The following ZC4H2 variants were observed in gnomAD, a reference collection of about 807,000 sequenced individuals.
The protein encoded by ZC4H2 is zinc finger C4H2-type containing.
For synonymous variants in ZC4H2, 84 were observed against 66.3 expected (o/e 1.27, Z -1.30); for missense variants, 137 against 173.9 (o/e 0.79, Z 1.19).
rs763449706 is a variant in ZC4H2 at position 64,920,113 on chromosome X, G to T, written c.366C>A (p.Asp122Glu). The T allele has an allele frequency of 8.3e-7, 1 of 1,209,582 alleles. No individual in the cohort carries two copies. Among genetic ancestry groups the T allele is most frequent in the Non-Finnish European group, 1.1e-6 (1 of 895,132 alleles). ...AAAGCTTCTCCTCTTCTTCACACAA[G>T]TCAGGGAGCCTCTGCAGGCCCAGAG... ...RMTLGLQRLP[D>E]LCEEEEKLSL... Residue 122 changes from aspartate to glutamate, a missense_variant, in exon 3 of 5, where the codon GAC (aspartate) becomes GAA (glutamate). Transcript: ENST00000374839.
intron 1 of ZC4H2, among the ~76,000 whole-genome samples, chrX:65,025,847 A>G (rs749237073): frequency 4.5e-5 from 5 of 112,341 alleles, no homozygotes; most frequent in African/African-American, 1.3e-4. Context: ...CTATGGGAAA[A>G]TGTGATTAAA....
chrX:64,944,791 T>C (rs1255890839), intron 1 of ZC4H2, among the ~76,000 whole-genome samples: 2 of 112,121 alleles, frequency 1.8e-5, no homozygotes, highest in Admixed American at 1.9e-4. Flanking sequence ...TCATTTTTTT[T>C]CTCTAATCTT....
Position 64,917,160 on chromosome X carries a change from G to A in ZC4H2, c.*623C>T, listed in dbSNP as rs1231341067. The A allele has an allele frequency of 8.9e-6, 1 of 112,155 alleles. No individual in the cohort carries two copies. The highest frequency in any genetic ancestry group is 3.3e-5 in the African/African-American group (1 of 30,754). 9.2% of individuals were successfully genotyped at this position (112,155 alleles called of 1,213,427 possible). On this transcript the variant is annotated 3_prime_UTR_variant, in exon 5 of 5. Transcript: ENST00000374839. ...TTAAGATCCCAAGACACACAGCCTA[G>A]TACCTAAGAATTTTAGTATATGTGG... is the stretch of plus-strand genomic sequence containing the variant.
chrX:64,945,551 A>G (rs1930489944), intron 1 of ZC4H2, among the ~76,000 whole-genome samples: 2 of 111,828 alleles, frequency 1.8e-5, no homozygotes, highest in South Asian at 7.5e-4. Context: ...GTCAGGAGGC[A>G]TAGGCGTCAG....
At chrX:65,018,383 G>T (rs909348692) in intron 1 of ZC4H2, among the ~76,000 whole-genome samples, 2 of 112,313 alleles carry the variant, frequency 1.8e-5, no homozygotes, top group African/African-American at 3.2e-5. Flanking sequence ...TGGAGGGCAG[G>T]ACGAAGCAGA....
At chrX:65,019,120 A>T (rs999248517) in intron 1 of ZC4H2, among the ~76,000 whole-genome samples, 1 of 111,750 alleles carries the variant, frequency 8.9e-6, no homozygotes, top group African/African-American at 3.3e-5. Context: ...CAGCAGACTT[A>T]AATGCCCCTG....
intron 4 of ZC4H2, 58 bp downstream of exon 4, chrX:64,918,984 C>A (rs188258732): frequency 3.6e-6 from 4 of 1,116,412 alleles, no homozygotes; most frequent in African/African-American, 1.9e-5. Flanking sequence ...TAGCCTTCCA[C>A]GGCCCTTCCA....
chrX:65,027,095 A>G (rs1276757691), intron 1 of ZC4H2, among the ~76,000 whole-genome samples: 1 of 112,247 alleles, frequency 8.9e-6, no homozygotes, highest in Non-Finnish European at 1.9e-5. Context: ...CTTCTACAGT[A>G]ACATTAGGAT....
intron 1 of ZC4H2, among the ~76,000 whole-genome samples, chrX:64,934,068 G>C (rs1335390525): frequency 8.9e-6 from 1 of 111,764 alleles, no homozygotes; most frequent in African/African-American, 3.3e-5. Context: ...CAGTGTTCTG[G>C]CTATTCAGGT....
chrX:64,983,167 T>C (rs1019839522), intron 1 of ZC4H2, among the ~76,000 whole-genome samples: 1 of 111,811 alleles, frequency 8.9e-6, no homozygotes, highest in Admixed American at 9.5e-5. Context: ...GTCTCTACTA[T>C]TTTTAGCTAT....
chrX:65,005,158 G>A (rs1014682167), intron 1 of ZC4H2, among the ~76,000 whole-genome samples: 13 of 111,658 alleles, frequency 1.2e-4, no homozygotes, highest in South Asian at 3.7e-4. Flanking sequence ...CATACTGCCC[G>A]AAGTTATTTA....
chrX:65,010,857 A>G (rs906519861), intron 1 of ZC4H2, among the ~76,000 whole-genome samples: 1 of 112,280 alleles, frequency 8.9e-6, no homozygotes, highest in Non-Finnish European at 1.9e-5. Context: ...ATTATTTAAT[A>G]TAAATACAGA....
At chrX:64,988,931 T>A (rs192498786) in intron 1 of ZC4H2, among the ~76,000 whole-genome samples, 7 of 111,073 alleles carry the variant, frequency 6.3e-5, no homozygotes, top group African/African-American at 2.3e-4. Context: ...AGTTTCAGCT[T>A]TATATGGCTA....
At chrX:65,032,370 T>A in intron 1 of ZC4H2, among the ~76,000 whole-genome samples, 1 of 112,154 alleles carries the variant, frequency 8.9e-6, no homozygotes. Context: ...AAAAAGTCTG[T>A]CCCTGTGAGT....
At chrX:65,012,209 C>T (rs1602454254) in intron 1 of ZC4H2, among the ~76,000 whole-genome samples, 1 of 60,086 alleles carries the variant, frequency 1.7e-5, no homozygotes, top group Non-Finnish European at 2.7e-5. Flanking sequence ...GCCTGGGTGA[C>T]AGAAGACCCC....
intron 1 of ZC4H2, among the ~76,000 whole-genome samples, chrX:64,946,869 T>C (rs1324528154): frequency 9.0e-6 from 1 of 111,670 alleles, no homozygotes; most frequent in Non-Finnish European, 1.9e-5. Flanking sequence ...TTTATTAGTT[T>C]CTGTTTTTTG....
At chrX:65,028,363 C>A (rs192961630) in intron 1 of ZC4H2, among the ~76,000 whole-genome samples, 1 of 112,269 alleles carries the variant, frequency 8.9e-6, no homozygotes, top group East Asian at 2.8e-4. Flanking sequence ...CATGAAGTTT[C>A]AATTCTAGTG....
At chrX:64,999,079 G>A (rs1159612862) in intron 1 of ZC4H2, among the ~76,000 whole-genome samples, 1 of 36,701 alleles carries the variant, frequency 2.7e-5, no homozygotes, top group East Asian at 7.4e-4. Context: ...AATCTATTCT[G>A]CCAATCTTTG....
At chrX:64,945,237 C>G (rs778439270) in intron 1 of ZC4H2, among the ~76,000 whole-genome samples, 2 of 112,461 alleles carry the variant, frequency 1.8e-5, no homozygotes, top group Admixed American at 1.9e-4. Flanking sequence ...TGATCTTTGA[C>G]TTTAATGACC....
Sources: allele counts gnomAD v4.1 joint callset (sites outside exome capture counted in the v4.1 genomes callset), GRCh38; gene constraint gnomAD v4.1.1; transcripts MANE v1.5; gene names NCBI Gene and HGNC (gene_info 2026-07-23, HGNC 2026-07-21).